ULK4: variants seen among roughly 807,000 people sequenced by gnomAD.
The protein encoded by ULK4 is unc-51 like kinase 4, also known as inactive serine/threonine-protein kinase ULK4.
ULK4 carries 133 observed loss-of-function variants against 160.6 expected under a neutral mutation model. That is an observed-to-expected ratio of 0.83 (90% CI 0.72 to 0.96). The LOEUF is 0.96. Ranked by LOEUF, ULK4 falls within the 40% of genes least tolerant of loss-of-function variation. The pLI is 0.00. For missense variants in ULK4, 1,580 were observed against 1,499.5 expected, an observed-to-expected ratio of 1.05 and a Z score of -0.89; for synonymous variants, 534 against 539.8, an observed-to-expected ratio of 0.99 and a Z score of 0.15.
At chr3:41,551,757 C>G in intron 32 of ULK4, among the ~76,000 whole-genome samples, 1 of 151,960 alleles carries the variant, frequency 6.6e-6, no homozygotes, top group Non-Finnish European at 1.5e-5. Flanking sequence ...GATAATTACC[C>G]CCAACTCATT....
At chr3:41,566,829 A>C (rs1202824987) in intron 31 of ULK4, among the ~76,000 whole-genome samples, 1 of 151,776 alleles carries the variant, frequency 6.6e-6, no homozygotes, top group African/African-American at 2.4e-5. Flanking sequence ...AGCAATTAAC[A>C]CAGATTATAA....
rs374288098 is a variant in ULK4 at position 41,953,285 on chromosome 3, C to CACACATAT, written c.138+1336_138+1337insATATGTGT. On this transcript the variant is annotated intron_variant, in intron 2 of 36. Coordinates refer to ENST00000301831, the MANE Select transcript of ULK4 (RefSeq NM_017886.4). The stretch of plus-strand genomic sequence containing the variant: ...ATATACACATATATACATATATACA[C>CACACATAT]ATATATATATATATATATATTTTTT... 5.6e-3 allele frequency among the ~76,000 whole-genome samples: 482 copies of CACACATAT among 85,902 alleles called. 3 individuals carry two copies. Among genetic ancestry groups the CACACATAT allele is most frequent in the East Asian group, 0.033 (89 of 2,712 alleles). 56.4% of individuals were successfully genotyped at this position (85,902 alleles called of 152,430 possible). A position where few individuals can be genotyped will look rare whatever the true frequency, so the allele number is the denominator to read the frequency against.
chr3:41,943,421 T>G (rs933238156), intron 2 of ULK4, among the ~76,000 whole-genome samples: 1 of 152,080 alleles, frequency 6.6e-6, no homozygotes, highest in African/African-American at 2.4e-5. Flanking sequence ...ATACACGCAC[T>G]TTCCAGCCCG....
In ULK4 at chr3:41,842,197, AAAG is replaced by A. The variant is rs1232650261; in HGVS notation, c.1657-6229_1657-6227del. Among the ~76,000 whole-genome samples, 7 of 131,986 alleles carry A rather than the reference AAAG, an allele frequency of 5.3e-5. 1 individual carries two copies. The highest frequency in any genetic ancestry group is 7.1e-5 in the Admixed American group (1 of 14,158). 86.6% of individuals were successfully genotyped at this position (131,986 alleles called of 152,430 possible). A position where few individuals can be genotyped will look rare whatever the true frequency, so the allele number is the denominator to read the frequency against. ...AACATGTAAAAAAAAAAATAAAAAA[AAAG>A]AAGACTAAGGTGGGAGGACTGCTTG... On this transcript the variant is annotated intron_variant, in intron 17 of 36. Transcript: ENST00000301831.
chr3:41,542,408 T>C (rs1351034474), intron 32 of ULK4, among the ~76,000 whole-genome samples: 2 of 152,230 alleles, frequency 1.3e-5, no homozygotes, highest in Non-Finnish European at 2.9e-5. Context: ...CTTTTTGATG[T>C]GCTGCTGGAT....
chr3:41,722,924 G>C lies in ULK4; in HGVS notation c.2322-5063C>G, dbSNP rs2037525051. 2.6e-5 allele frequency among the ~76,000 whole-genome samples: 4 copies of C among 152,154 alleles called. No homozygotes were observed. In the South Asian group the frequency reaches 8.3e-4, roughly 31 times the overall value. ...TGTCTCCTGGTACACATGTGCAAGAGTTGCTAGGGTACATGTATAGGAATG... is the reference window on the plus strand; with the variant it reads ...TGTCTCCTGGTACACATGTGCAAGACTTGCTAGGGTACATGTATAGGAATG... On this transcript the variant is annotated intron_variant, in intron 22 of 36. Coordinates refer to ENST00000301831, the MANE Select transcript of ULK4 (RefSeq NM_017886.4).
At chr3:41,949,924 C>T (rs1164857811) in intron 2 of ULK4, among the ~76,000 whole-genome samples, 1 of 151,150 alleles carries the variant, frequency 6.6e-6, no homozygotes, top group African/African-American at 2.4e-5. Flanking sequence ...TTTCTAGAGA[C>T]AAGGTTTCAC....
chr3:41,717,964 A>G, intron 22 of ULK4, 103 bp from the exon 23 acceptor site: 1 of 1,354,788 alleles, frequency 7.4e-7, no homozygotes, highest in Non-Finnish European at 1.0e-6. Flanking sequence ...GCACCCTCCC[A>G]ATCATATTGA....
intron 27 of ULK4, among the ~76,000 whole-genome samples, chr3:41,692,010 A>G (rs1398792330): frequency 8.1e-6 from 1 of 123,622 alleles, no homozygotes; most frequent in Non-Finnish European, 1.6e-5. Context: ...GGAGTGCAGT[A>G]GTGCGATCTC....
chr3:41,938,912 T>C (rs1035429052), intron 2 of ULK4, among the ~76,000 whole-genome samples: 1 of 151,830 alleles, frequency 6.6e-6, no homozygotes, highest in Non-Finnish European at 1.5e-5. Context: ...AAAAAAACAA[T>C]TTTAAAGGGT....
Position 41,906,173 on chromosome 3 carries a change from C to T in ULK4, c.1182+1672G>A, listed in dbSNP as rs556238072. On this transcript the variant is annotated intron_variant, in intron 12 of 36. Coordinates refer to ENST00000301831, the MANE Select transcript of ULK4 (RefSeq NM_017886.4). ...CGGAGCTTGCAGTGAGCCGAGATCCCGCCACTGCACTCCAGCCTGGGCGAC... is the reference window on the plus strand; with the variant it reads ...CGGAGCTTGCAGTGAGCCGAGATCCTGCCACTGCACTCCAGCCTGGGCGAC... 7.4e-5 allele frequency among the ~76,000 whole-genome samples: 10 copies of T among 135,774 alleles called. 1 individual carries two copies. In the South Asian group the frequency reaches 2.4e-3, roughly 33 times the overall value. 89.1% of individuals were successfully genotyped at this position (135,774 alleles called of 152,430 possible).
chr3:41,638,576 G>A (rs2034054117), intron 30 of ULK4, among the ~76,000 whole-genome samples: 1 of 152,158 alleles, frequency 6.6e-6, no homozygotes. Context: ...TGTTTGAGAT[G>A]GTAACAAAAA....
rs745956482 is a variant in ULK4, at chr3:41,246,970, C to A, written c.3787G>T (p.Ala1263Ser). The A allele has an allele frequency of 6.2e-7, 1 of 1,613,868 alleles. No homozygotes were observed. The highest frequency in any genetic ancestry group is 8.5e-7 in the Non-Finnish European group (1 of 1,179,904). ...TGGAGGATTTCCAGGGCCAAGGGAG[C>A]CACCGCACTGTCGGCAAATGAACTG... ...GSGSFADSAV[A>S]PLALEILQAV... The change falls in exon 37 of 37, where the codon GCT becomes TCT. Residue 1263 changes from alanine to serine, a missense_variant. By Grantham distance (99) the Ala-to-Ser change is moderately conservative. Coordinates refer to ENST00000301831, the MANE Select transcript of ULK4 (RefSeq NM_017886.4).
At chr3:41,675,533 T>A (rs1240138184) in intron 29 of ULK4, among the ~76,000 whole-genome samples, 2 of 152,052 alleles carry the variant, frequency 1.3e-5, no homozygotes, top group African/African-American at 4.8e-5. Context: ...AAGGTTGCAG[T>A]GAGCCAGGAT....
At chr3:41,448,877 GTTTTAT>G (rs2083364737) in intron 34 of ULK4, among the ~76,000 whole-genome samples, 1 of 152,088 alleles carries the variant, frequency 6.6e-6, no homozygotes. Flanking sequence ...AGGAGGAACA[GTTTTAT>G]TTTTATTATT....
At chr3:41,580,788 C>T (rs931815378) in intron 31 of ULK4, among the ~76,000 whole-genome samples, 7 of 152,048 alleles carry the variant, frequency 4.6e-5, no homozygotes, top group Non-Finnish European at 1.0e-4. Context: ...ACAAGGATGC[C>T]GGGAGAGAAG....
At chr3:41,293,789 T>C (rs531785084) in intron 35 of ULK4, among the ~76,000 whole-genome samples, 1 of 152,356 alleles carries the variant, frequency 6.6e-6, no homozygotes, top group South Asian at 2.1e-4. Context: ...TATTCTTAGC[T>C]ATTATTATAT....
Position 41,941,674 on chromosome 3 carries a change from T to C in ULK4, c.139-3477A>G, listed in dbSNP as rs531891842. On this transcript the variant is annotated intron_variant, in intron 2 of 36. Transcript: ENST00000301831. ...AGGGAGGCTGCGGCAGGAGGATCCA[T>C]TGAGCCCGGGAAGTCAAGGCACAGT... is the stretch of plus-strand genomic sequence containing the variant. 6.6e-5 allele frequency among the ~76,000 whole-genome samples: 9 copies of C among 136,854 alleles called. No homozygotes were observed. The South Asian group carries it at 7.4e-4, about 11-fold the overall frequency. 89.8% of individuals were successfully genotyped at this position (136,854 alleles called of 152,430 possible).
At chr3:41,492,614 T>A (rs1383162208) in intron 32 of ULK4, among the ~76,000 whole-genome samples, 1 of 151,258 alleles carries the variant, frequency 6.6e-6, no homozygotes, top group Admixed American at 6.6e-5. Context: ...AATGCTCCAA[T>A]TAAAAGACAC....
Sources: gnomAD v4.1 joint callset for allele counts (sites outside exome capture counted in the v4.1 genomes callset) on GRCh38, gnomAD v4.1.1 for gene constraint, MANE v1.5 for transcripts, NCBI Gene and HGNC (gene_info 2026-07-23, HGNC 2026-07-21) for gene names.